The following DCC variants were observed in gnomAD, a reference collection of about 807,000 sequenced individuals.
DCC encodes DCC netrin 1 receptor.
DCC carries 58 observed loss-of-function variants against 172.5 expected under a neutral mutation model. That is an observed-to-expected ratio of 0.34 (90% CI 0.27 to 0.42). The LOEUF is 0.42. DCC is among the 10% of genes least tolerant of loss of function. The pLI, the probability that DCC is intolerant of heterozygous loss-of-function variation, is 1.00. For synonymous variants in DCC, 709 were observed against 644.5 expected (o/e 1.10, Z -1.52); for missense variants, 1,740 against 1,791.0 (o/e 0.97, Z 0.51).
At chr18:52,396,281 A>AACCC (rs1568149503) in intron 1 of DCC, among the ~76,000 whole-genome samples, 5 of 114,302 alleles carry the variant, frequency 4.4e-5, no homozygotes, top group Non-Finnish European at 8.8e-5. Flanking sequence ...CCTGCACCAC[A>AACCC]CCCCCCCCCC....
chr18:52,647,860 A>C (rs906087568), intron 1 of DCC, among the ~76,000 whole-genome samples: 6 of 152,162 alleles, frequency 3.9e-5, no homozygotes, highest in African/African-American at 1.2e-4. Flanking sequence ...TGGGGAGTAG[A>C]GTGTGTGCTG....
chr18:53,248,223 C>A (rs937257827), intron 12 of DCC, among the ~76,000 whole-genome samples: 1 of 152,000 alleles, frequency 6.6e-6, no homozygotes, highest in African/African-American at 2.4e-5. Context: ...TCCCCCATCT[C>A]TTTATGTATA....
intron 2 of DCC, among the ~76,000 whole-genome samples, chr18:52,841,111 A>C (rs2038798391): frequency 6.6e-6 from 1 of 152,116 alleles, no homozygotes; most frequent in Non-Finnish European, 1.5e-5. Flanking sequence ...TCAGAGTAGG[A>C]AAGGTAATGG....
rs1021820444 is a variant in DCC, at chr18:53,404,327, G to C, written c.2935+1434G>C. Among the ~76,000 whole-genome samples the C allele has an allele frequency of 3.9e-5, 6 of 151,924 alleles. No homozygotes were observed. The South Asian group carries it at 1.2e-3, about 32-fold the overall frequency. On this transcript the variant is annotated intron_variant, in intron 19 of 28. Coordinates refer to ENST00000442544, the MANE Select transcript of DCC (RefSeq NM_005215.4). ...ATTTGAATTCTCCACTCTTATTTAAGTAAATCTTATCAGTCAGTGTAAACA... is the reference window on the plus strand; with the variant it reads ...ATTTGAATTCTCCACTCTTATTTAACTAAATCTTATCAGTCAGTGTAAACA...
At chr18:52,868,845 C>T (rs1449499993) in intron 2 of DCC, among the ~76,000 whole-genome samples, 1 of 152,200 alleles carries the variant, frequency 6.6e-6, no homozygotes, top group Non-Finnish European at 1.5e-5. Context: ...CCACTGCACA[C>T]AGTCAGACAC....
At chr18:52,810,521 A>G (rs2038175931) in intron 2 of DCC, among the ~76,000 whole-genome samples, 1 of 152,198 alleles carries the variant, frequency 6.6e-6, no homozygotes. Flanking sequence ...GTGCATGATG[A>G]GACAGCTTTC....
At chr18:52,816,736 T>TG (rs1385302590) in intron 2 of DCC, 2 of 152,190 alleles carry the variant, frequency 1.3e-5, no homozygotes, top group Admixed American at 6.6e-5. Context: ...CAACAGCCGA[T>TG]GCAGCTGTCC....
chr18:53,407,570 CTCTCTA>C (rs1233912087), intron 19 of DCC, among the ~76,000 whole-genome samples: 1 of 118,150 alleles, frequency 8.5e-6, no homozygotes, highest in Non-Finnish European at 1.8e-5. Context: ...CTATTACTCT[CTCTCTA>C]TATATATGTT....
intron 12 of DCC, among the ~76,000 whole-genome samples, chr18:53,267,340 C>G (rs550598559): frequency 1.3e-5 from 2 of 152,182 alleles, no homozygotes; most frequent in African/African-American, 4.8e-5. Context: ...GTATCTGCCA[C>G]CATGCCTAAC....
chr18:53,336,174 A>G (rs896288304), intron 14 of DCC, among the ~76,000 whole-genome samples: 15 of 152,336 alleles, frequency 9.8e-5, no homozygotes, highest in Middle Eastern at 6.8e-3. Flanking sequence ...TGCAAGCAGC[A>G]TCTTAGAGAT....
chr18:53,222,040 T>C (rs2055940591), intron 12 of DCC, among the ~76,000 whole-genome samples: 1 of 152,202 alleles, frequency 6.6e-6, no homozygotes, highest in South Asian at 2.1e-4. Flanking sequence ...AGACCAGAGC[T>C]CCTGACCAGT....
chr18:53,315,568 C>T (rs2057333455), intron 13 of DCC, among the ~76,000 whole-genome samples: 1 of 152,168 alleles, frequency 6.6e-6, no homozygotes, highest in South Asian at 2.1e-4. Context: ...AACTAATTTA[C>T]ACTCCCACCA....
intron 23 of DCC, among the ~76,000 whole-genome samples, chr18:53,451,875 G>A (rs1415634177): frequency 1.3e-5 from 2 of 152,092 alleles, no homozygotes; most frequent in Non-Finnish European, 2.9e-5. Context: ...AGTAACATGG[G>A]GTGTAGATGC....
chr18:53,283,599 C>T (rs557609753), intron 12 of DCC, among the ~76,000 whole-genome samples: 58 of 152,218 alleles, frequency 3.8e-4, no homozygotes, highest in Non-Finnish European at 6.6e-4. Context: ...TATTCCATTG[C>T]TCACTGAGGC....
At chr18:52,872,694 T>TTTCA (rs1646498101) in intron 2 of DCC, among the ~76,000 whole-genome samples, 1 of 152,188 alleles carries the variant, frequency 6.6e-6, no homozygotes, top group Non-Finnish European at 1.5e-5. Context: ...GTAAGAACCC[T>TTTCA]CAATGCAAAG....
intron 1 of DCC, among the ~76,000 whole-genome samples, chr18:52,498,258 TG>T (rs1265887838): frequency 6.6e-6 from 1 of 152,178 alleles, no homozygotes; most frequent in Non-Finnish European, 1.5e-5. Flanking sequence ...TGACCTTTCT[TG>T]GGTTGCCCTT....
intron 9 of DCC, among the ~76,000 whole-genome samples, chr18:53,179,681 C>G (rs1201909755): frequency 6.6e-6 from 1 of 152,096 alleles, no homozygotes; most frequent in African/African-American, 2.4e-5. Context: ...CAAAGTAGAG[C>G]AGCTGAATGT....
chr18:52,713,560 C>T (rs1350122298), intron 1 of DCC, among the ~76,000 whole-genome samples: 2 of 152,156 alleles, frequency 1.3e-5, no homozygotes, highest in Admixed American at 6.5e-5. Context: ...TACAGGGCAG[C>T]CCCCATGCAC....
At chr18:52,642,732 T>C (rs1173291988) in intron 1 of DCC, among the ~76,000 whole-genome samples, 1 of 152,198 alleles carries the variant, frequency 6.6e-6, no homozygotes, top group Non-Finnish European at 1.5e-5. Context: ...GGCACAATCA[T>C]AGCTCACTGC....
Sources: allele counts gnomAD v4.1 joint callset (sites outside exome capture counted in the v4.1 genomes callset), GRCh38; gene constraint gnomAD v4.1.1; transcripts MANE v1.5; gene names NCBI Gene and HGNC (gene_info 2026-07-23, HGNC 2026-07-21).